Variants in ZHX2 observed in about 807,000 individuals in gnomAD.
ZHX2 encodes zinc fingers and homeoboxes protein 2.
ZHX2 carries 6 observed loss-of-function variants against 21.9 expected under a neutral mutation model. That is an observed-to-expected ratio of 0.27 (90% CI 0.15 to 0.54). The LOEUF is 0.54. Among genes scored for constraint, ZHX2 ranks in the 20% least tolerant of loss-of-function variants. The pLI, the probability that ZHX2 is intolerant of heterozygous loss-of-function variation, is 0.95. For synonymous variants in ZHX2, 434 were observed against 437.1 expected (o/e 0.99, Z 0.09); for missense variants, 908 against 1,090.7 (o/e 0.83, Z 2.36).
At chr8:122,816,079 C>CAAAAAAAA (rs71310626) in intron 1 of ZHX2, among the ~76,000 whole-genome samples, 1 of 90,260 alleles carries the variant, frequency 1.1e-5, no homozygotes, top group Non-Finnish European at 2.1e-5. Context: ...GACTCCGTCT[C>CAAAAAAAA]AAAAAAAAAA....
At chr8:122,888,524 C>T (rs533698566) in intron 2 of ZHX2, among the ~76,000 whole-genome samples, 4 of 152,180 alleles carry the variant, frequency 2.6e-5, no homozygotes, top group African/African-American at 9.6e-5. Flanking sequence ...TCCCATTGCC[C>T]AGGCTGGAGT....
At chr8:122,783,002 C>A (rs913645552) in intron 1 of ZHX2, among the ~76,000 whole-genome samples, 1 of 152,176 alleles carries the variant, frequency 6.6e-6, no homozygotes, top group Admixed American at 6.5e-5. Context: ...AACCAGCAGG[C>A]ATCACAGGAC....
At chr8:122,825,690 G>C (rs1248541456) in intron 1 of ZHX2, among the ~76,000 whole-genome samples, 1 of 152,094 alleles carries the variant, frequency 6.6e-6, no homozygotes, top group Non-Finnish European at 1.5e-5. Flanking sequence ...TGGCAAAATG[G>C]CTATAATATT....
At chr8:122,959,474 G>A (rs1563607868) in intron 3 of ZHX2, among the ~76,000 whole-genome samples, 1 of 152,126 alleles carries the variant, frequency 6.6e-6, no homozygotes, top group African/African-American at 2.4e-5. Context: ...CCTCTCTCCT[G>A]TACCAGACCC....
intron 2 of ZHX2, among the ~76,000 whole-genome samples, chr8:122,949,817 G>A (rs1466822072): frequency 1.3e-5 from 2 of 152,200 alleles, no homozygotes; most frequent in East Asian, 3.9e-4. Context: ...GATTGCTTAA[G>A]CCCAGGAGAT....
rs552837224 is a variant in ZHX2 at position 122,850,827 on chromosome 8, C to T, written c.-282-12650C>T. 2.1e-3 allele frequency among the ~76,000 whole-genome samples: 324 copies of T among 152,012 alleles called. 2 individuals are homozygous for T. Among genetic ancestry groups the T allele is most frequent in the African/African-American group, 6.5e-3 (270 of 41,448 alleles). ...GTCAGATTTTGTTTCTCCTCTGCCC[C>T]AGGCCTCCACTCATTCCCCTATCTC... On this transcript the variant is annotated intron_variant, in intron 1 of 3. Coordinates refer to ENST00000314393, the MANE Select transcript of ZHX2 (RefSeq NM_014943.5).
intron 2 of ZHX2, among the ~76,000 whole-genome samples, chr8:122,936,286 A>G (rs1422165476): frequency 6.6e-6 from 1 of 152,238 alleles, no homozygotes; most frequent in Admixed American, 6.5e-5. Context: ...ATGTTCAGCC[A>G]TGGCATCAGT....
chr8:122,906,926 C>T (rs1001292455), intron 2 of ZHX2, among the ~76,000 whole-genome samples: 10 of 152,258 alleles, frequency 6.6e-5, no homozygotes, highest in African/African-American at 2.4e-4. Context: ...CCACCTCAGC[C>T]TCCCAAAGTG....
intron 3 of ZHX2, among the ~76,000 whole-genome samples, chr8:122,958,856 T>C (rs1813371445): frequency 6.6e-6 from 1 of 152,250 alleles, no homozygotes; most frequent in South Asian, 2.1e-4. Context: ...TGCTAGGCCC[T>C]GTGCTAGTCT....
chr8:122,973,031 A>G (rs1813764289), intron 3 of ZHX2, among the ~76,000 whole-genome samples: 1 of 152,188 alleles, frequency 6.6e-6, no homozygotes, highest in South Asian at 2.1e-4. Context: ...TTTTCCTATT[A>G]TGGCGGACTG....
At chr8:122,854,146 A>G (rs1333770191) in intron 1 of ZHX2, among the ~76,000 whole-genome samples, 1 of 152,110 alleles carries the variant, frequency 6.6e-6, no homozygotes, top group Non-Finnish European at 1.5e-5. Flanking sequence ...CTCTCACAGC[A>G]TGCCTGGTGT....
chr8:122,823,242 A>G (rs1025583353), intron 1 of ZHX2, among the ~76,000 whole-genome samples: 1 of 152,220 alleles, frequency 6.6e-6, no homozygotes, highest in African/African-American at 2.4e-5. Flanking sequence ...TTTAAAATGA[A>G]TAACATGTTC....
intron 2 of ZHX2, among the ~76,000 whole-genome samples, chr8:122,907,266 A>G (rs921603030): frequency 1.3e-5 from 2 of 152,286 alleles, no homozygotes; most frequent in Admixed American, 1.3e-4. Context: ...TATACATTTT[A>G]GGGAGACATG....
chr8:122,920,876 T>G (rs1210370593), intron 2 of ZHX2, among the ~76,000 whole-genome samples: 1 of 152,234 alleles, frequency 6.6e-6, no homozygotes, highest in South Asian at 2.1e-4. Flanking sequence ...GAGCTCCATA[T>G]GGGCGGGCTG....
intron 1 of ZHX2, among the ~76,000 whole-genome samples, chr8:122,829,343 G>T (rs543342895): frequency 6.6e-6 from 1 of 152,340 alleles, no homozygotes; most frequent in African/African-American, 2.4e-5. Context: ...CTCTGCAAAA[G>T]TTGCATCAAA....
At chr8:122,836,260 G>A (rs1367576365) in intron 1 of ZHX2, among the ~76,000 whole-genome samples, 1 of 151,828 alleles carries the variant, frequency 6.6e-6, no homozygotes. Context: ...GAGAGGCCAT[G>A]TGGATTTTCC....
At chr8:122,780,490 A>C (rs950874093), upstream of ZHX2, 2 of 152,390 alleles carry the variant, frequency 1.3e-5, no homozygotes, top group African/African-American at 4.8e-5. Context: ...AACAAGGTAC[A>C]TCTGGGCAGG....
rs1820994983 is a variant in ZHX2, at chr8:122,931,609, A to C, written c.-219-19683A>C. On this transcript the variant is annotated intron_variant, in intron 2 of 3. Transcript: ENST00000314393. ...GTGTGTAGCCGAGGATGTAAGTCAC[A>C]TATGTACCCAGTCATTACGCGCTGC... 2.0e-5 allele frequency among the ~76,000 whole-genome samples: 3 copies of C among 152,130 alleles called. No homozygotes were observed. The South Asian group carries it at 6.2e-4, about 32-fold the overall frequency.
chr8:122,848,039 G>A (rs146969817), intron 1 of ZHX2, among the ~76,000 whole-genome samples: 57 of 152,310 alleles, frequency 3.7e-4, no homozygotes, highest in African/African-American at 1.2e-3. Flanking sequence ...AAAGTCCGCC[G>A]CAGGGAGCTC....
Sources: gnomAD v4.1 joint callset for allele counts (sites outside exome capture counted in the v4.1 genomes callset) on GRCh38, gnomAD v4.1.1 for gene constraint, MANE v1.5 for transcripts, NCBI Gene and HGNC (gene_info 2026-07-23, HGNC 2026-07-21) for gene names.